The following TMEM132C variants were observed in gnomAD, a reference collection of about 807,000 sequenced individuals.
TMEM132C encodes protein phosphatase 1, regulatory subunit 152.
A neutral mutation model predicts 61.4 loss-of-function variants in TMEM132C; 29 were observed. The observed-to-expected ratio is 0.47, with a 90% confidence interval of 0.35 to 0.64. The LOEUF (loss-of-function observed/expected upper bound fraction) is 0.64. Ranked by LOEUF, TMEM132C falls within the 30% of genes least tolerant of loss-of-function variation. The pLI is 0.00. For synonymous variants in TMEM132C, 656 were observed against 633.1 expected, an observed-to-expected ratio of 1.04 and a Z score of -0.54; for missense variants, 1,408 against 1,476.9, an observed-to-expected ratio of 0.95 and a Z score of 0.76.
chr12:128,663,953 C>T (rs1954425281), intron 4 of TMEM132C, among the ~76,000 whole-genome samples: 1 of 104,852 alleles, frequency 9.5e-6, no homozygotes, highest in African/African-American at 3.5e-5. Flanking sequence ...CACAGGCACA[C>T]ACACATACAG....
chr12:128,468,950 A>T (rs58092740), intron 2 of TMEM132C, among the ~76,000 whole-genome samples: 14 of 152,074 alleles, frequency 9.2e-5, no homozygotes, highest in African/African-American at 3.4e-4. Flanking sequence ...TGTGGGAAAC[A>T]TTGGACTTTC....
intron 1 of TMEM132C, among the ~76,000 whole-genome samples, chr12:128,352,837 A>G (rs756956841): frequency 8.5e-5 from 13 of 152,198 alleles, no homozygotes; most frequent in Admixed American, 5.2e-4. Flanking sequence ...GCCAGGGCAA[A>G]GTTGTGATTT....
chr12:128,672,552 T>C (rs940651136), intron 5 of TMEM132C, among the ~76,000 whole-genome samples: 13 of 152,108 alleles, frequency 8.5e-5, no homozygotes, highest in African/African-American at 3.1e-4. Flanking sequence ...AAACAGAAAA[T>C]TGCCTCCTGA....
At chr12:128,653,175 C>T (rs1954289609) in intron 4 of TMEM132C, among the ~76,000 whole-genome samples, 1 of 151,848 alleles carries the variant, frequency 6.6e-6, no homozygotes, top group Non-Finnish European at 1.5e-5. Flanking sequence ...GCACAAAGGG[C>T]CACATGTTGT....
chr12:128,657,008 C>T (rs991874864), intron 4 of TMEM132C, among the ~76,000 whole-genome samples: 2 of 152,158 alleles, frequency 1.3e-5, no homozygotes, highest in Non-Finnish European at 2.9e-5. Context: ...CCTGCGTCTT[C>T]TCCAAAATCT....
At chr12:128,702,232 C>T (rs1024922891) in intron 8 of TMEM132C, among the ~76,000 whole-genome samples, 2 of 151,986 alleles carry the variant, frequency 1.3e-5, no homozygotes, top group East Asian at 1.9e-4. Context: ...ATTTCAACTC[C>T]TTTTAATGTC....
At chr12:128,282,201 C>G (rs530157223) in intron 1 of TMEM132C, among the ~76,000 whole-genome samples, 1 of 152,350 alleles carries the variant, frequency 6.6e-6, no homozygotes, top group South Asian at 2.1e-4. Context: ...AAGACATTCT[C>G]TTACAAAAGC....
intron 1 of TMEM132C, among the ~76,000 whole-genome samples, chr12:128,390,562 G>A (rs1453683276): frequency 3.3e-5 from 5 of 152,146 alleles, no homozygotes; most frequent in Non-Finnish European, 5.9e-5. Flanking sequence ...TCAGCCGACT[G>A]GCCACCTGCC....
At chr12:128,470,539 A>C (rs1388167438) in intron 2 of TMEM132C, among the ~76,000 whole-genome samples, 1 of 152,182 alleles carries the variant, frequency 6.6e-6, no homozygotes, top group African/African-American at 2.4e-5. Context: ...CCAGTGGAGG[A>C]GAGGATGTAA....
intron 3 of TMEM132C, among the ~76,000 whole-genome samples, chr12:128,574,020 T>A (rs1362836957): frequency 6.6e-6 from 1 of 151,880 alleles, no homozygotes; most frequent in Non-Finnish European, 1.5e-5. Context: ...ACAGAATACA[T>A]GCTTGATGGG....
At chr12:128,508,618 G>T (rs755023563) in intron 2 of TMEM132C, among the ~76,000 whole-genome samples, 9 of 152,200 alleles carry the variant, frequency 5.9e-5, no homozygotes, top group Non-Finnish European at 1.2e-4. Context: ...GAGCAAGGCC[G>T]TGGCTCCGGA....
intron 2 of TMEM132C, among the ~76,000 whole-genome samples, chr12:128,459,792 G>A (rs1435517371): frequency 1.3e-5 from 2 of 151,564 alleles, no homozygotes; most frequent in Non-Finnish European, 1.5e-5. Context: ...GGCTGAGGCA[G>A]GGGAATCACT....
rs1464617481 is a variant in TMEM132C, at chr12:128,412,208, AC to A, written c.86-2521del. 3.9e-5 allele frequency among the ~76,000 whole-genome samples: 6 copies of A among 152,072 alleles called. No individual in the cohort carries two copies. The East Asian group carries it at 1.2e-3, about 29-fold the overall frequency. ...TGTAACCAATTCAGGGTTTTTACTC[AC>A]CCGTGTTGATATTATTATCATATGT... On this transcript the variant is annotated intron_variant, in intron 1 of 8. Transcript: ENST00000435159.
intron 1 of TMEM132C, among the ~76,000 whole-genome samples, chr12:128,273,555 A>C (rs1364006058): frequency 6.6e-6 from 1 of 151,966 alleles, no homozygotes; most frequent in African/African-American, 2.4e-5. Flanking sequence ...TTATTCATCT[A>C]TTTGTATTAA....
At chr12:128,622,140 TCAA>T (rs1001250814) in intron 4 of TMEM132C, among the ~76,000 whole-genome samples, 1 of 151,404 alleles carries the variant, frequency 6.6e-6, no homozygotes, top group African/African-American at 2.4e-5. Flanking sequence ...GGTCAGGAGT[TCAA>T]AACCAGCCTG....
chr12:128,289,822 C>T (rs1437408024), intron 1 of TMEM132C, among the ~76,000 whole-genome samples: 1 of 152,200 alleles, frequency 6.6e-6, no homozygotes, highest in African/African-American at 2.4e-5. Context: ...CACTGTTTTA[C>T]ATACTAATTG....
chr12:128,521,916 G>A (rs1459544232), intron 2 of TMEM132C, among the ~76,000 whole-genome samples: 1 of 152,080 alleles, frequency 6.6e-6, no homozygotes, highest in African/African-American at 2.4e-5. Flanking sequence ...CTCCTGTACT[G>A]CTTGGCCAGG....
chr12:128,436,081 A>G (rs1019340353), intron 2 of TMEM132C, among the ~76,000 whole-genome samples: 23 of 152,178 alleles, frequency 1.5e-4, no homozygotes, highest in Admixed American at 3.9e-4. Flanking sequence ...GGTGCTGGGA[A>G]AACTGGCTAG....
At position 128,669,550 on chromosome 12, in the gene TMEM132C, A is replaced by T. The variant is rs1438445002; in HGVS notation, c.1439A>T (p.Asp480Val). 1 of 1,551,296 alleles carries T rather than the reference A, an allele frequency of 6.4e-7. No individual in the cohort carries two copies. The highest frequency in any genetic ancestry group is 1.2e-5 in the South Asian group (1 of 83,962). ...GTGGAGTGCAAGTCCACAGACGAGG[A>T]CGTTATCAAAGTAAGTCATTCCACA... ...ESVECKSTDE[D>V]VIKVSERCDY... Residue 480 changes from aspartate to valine, a missense_variant, in exon 5 of 9, where the codon GAC (aspartate) becomes GTC (valine). By Grantham distance (152) the Asp-to-Val change is radical. Transcript: ENST00000435159.
Sources: gnomAD v4.1 joint callset for allele counts (sites outside exome capture counted in the v4.1 genomes callset) on GRCh38, gnomAD v4.1.1 for gene constraint, MANE v1.5 for transcripts, NCBI Gene and HGNC (gene_info 2026-07-23, HGNC 2026-07-21) for gene names.